Variants in ST6GALNAC3 observed in about 807,000 individuals in gnomAD.
The protein encoded by ST6GALNAC3 is alpha-N-acetylgalactosaminide alpha-2,6-sialyltransferase 3.
ST6GALNAC3 carries 25 observed loss-of-function variants against 32.7 expected under a neutral mutation model. That is an observed-to-expected ratio of 0.76 (90% CI 0.56 to 1.07). The LOEUF (loss-of-function observed/expected upper bound fraction) is 1.07, where lower values mean the gene tolerates loss of function less well. Ranked by LOEUF, ST6GALNAC3 falls within the 50% of genes least tolerant of loss-of-function variation. The pLI is 0.00. For missense variants in ST6GALNAC3, 355 were observed against 382.4 expected, an observed-to-expected ratio of 0.93 and a Z score of 0.60; for synonymous variants, 129 against 133.1, an observed-to-expected ratio of 0.97 and a Z score of 0.21.
intron 1 of ST6GALNAC3, among the ~76,000 whole-genome samples, chr1:76,112,812 G>C (rs538678190): frequency 1.3e-5 from 2 of 151,652 alleles, no homozygotes; most frequent in African/African-American, 4.8e-5. Context: ...TCACTTCCTA[G>C]ATGGGTTGGT....
intron 2 of ST6GALNAC3, among the ~76,000 whole-genome samples, chr1:76,333,195 C>G (rs1647232336): frequency 6.6e-6 from 1 of 152,156 alleles, no homozygotes; most frequent in Non-Finnish European, 1.5e-5. Flanking sequence ...AGATGTGGTT[C>G]TCCTCAATTG....
intron 3 of ST6GALNAC3, among the ~76,000 whole-genome samples, chr1:76,413,718 A>T (rs1654428251): frequency 6.6e-6 from 1 of 152,170 alleles, no homozygotes; most frequent in East Asian, 1.9e-4. Flanking sequence ...AAGAATCCCA[A>T]GGGTGAGATT....
intron 3 of ST6GALNAC3, among the ~76,000 whole-genome samples, chr1:76,445,367 C>CT (rs2101528792): frequency 6.6e-6 from 1 of 152,264 alleles, no homozygotes; most frequent in East Asian, 1.9e-4. Context: ...GGATGCAGAC[C>CT]TACAATCTTT....
At chr1:76,422,021 G>A (rs186050794) in intron 3 of ST6GALNAC3, among the ~76,000 whole-genome samples, 183 of 151,628 alleles carry the variant, frequency 1.2e-3, no homozygotes, top group African/African-American at 4.0e-3. Flanking sequence ...TTCTCTTATA[G>A]CATTACCTTC....
intron 1 of ST6GALNAC3, among the ~76,000 whole-genome samples, chr1:76,113,392 GTCT>G (rs533489945): frequency 1.6e-4 from 24 of 151,704 alleles, no homozygotes; most frequent in Middle Eastern, 6.8e-3. Context: ...TTGTTATGGG[GTCT>G]TATCTGCAAA....
chr1:76,482,170 G>A lies in ST6GALNAC3; in HGVS notation c.623+69753G>A, dbSNP rs534859518. Among the ~76,000 whole-genome samples the A allele has an allele frequency of 8.4e-4, 118 of 141,084 alleles. No individual in the cohort carries two copies. The East Asian group carries it at 0.021, about 25-fold the overall frequency. The allele number at this position is 141,084 out of a possible 152,430, so 92.6% of individuals were successfully genotyped here. On this transcript the variant is annotated intron_variant, in intron 3 of 4. Coordinates refer to ENST00000328299, the MANE Select transcript of ST6GALNAC3 (RefSeq NM_152996.4). ...CACACACACACACACACACACACAT[G>A]CACTTCATCTTAGCAGTAAAAGCCA... is the stretch of plus-strand genomic sequence containing the variant.
At chr1:76,124,261 A>G (rs1182583511) in intron 1 of ST6GALNAC3, among the ~76,000 whole-genome samples, 1 of 135,102 alleles carries the variant, frequency 7.4e-6, no homozygotes, top group African/African-American at 2.5e-5. Context: ...TGCTGATGAA[A>G]TGGAGGTAGA....
At chr1:76,429,324 C>T (rs1655595643) in intron 3 of ST6GALNAC3, among the ~76,000 whole-genome samples, 1 of 152,050 alleles carries the variant, frequency 6.6e-6, no homozygotes, top group South Asian at 2.1e-4. Context: ...TCAGTTTTCT[C>T]ATGTATAAAG....
chr1:76,245,096 GC>G (rs910152062), intron 1 of ST6GALNAC3, among the ~76,000 whole-genome samples: 4 of 152,110 alleles, frequency 2.6e-5, no homozygotes, highest in Admixed American at 2.6e-4. Context: ...ATTAATTACT[GC>G]CTCAATTTCA....
chr1:76,544,777 G>A (rs985573035), intron 3 of ST6GALNAC3, among the ~76,000 whole-genome samples: 3 of 152,176 alleles, frequency 2.0e-5, no homozygotes, highest in Non-Finnish European at 2.9e-5. Flanking sequence ...TCAGCGTATC[G>A]ATGGTATTTA....
intron 3 of ST6GALNAC3, among the ~76,000 whole-genome samples, chr1:76,488,173 C>G (rs1167489675): frequency 2.6e-5 from 4 of 152,170 alleles, no homozygotes; most frequent in Non-Finnish European, 5.9e-5. Flanking sequence ...ATGATAAAGA[C>G]TGATCCTTCA....
intron 1 of ST6GALNAC3, among the ~76,000 whole-genome samples, chr1:76,111,928 T>C (rs1424613186): frequency 6.6e-6 from 1 of 152,198 alleles, no homozygotes; most frequent in Non-Finnish European, 1.5e-5. Flanking sequence ...GTTGTCATCA[T>C]GGCCCCTTCT....
At position 76,121,455 on chromosome 1, in the gene ST6GALNAC3, G is replaced by A. The variant is rs534368177; in HGVS notation, c.18+46571G>A. Among the ~76,000 whole-genome samples, 5 of 152,194 alleles carry A rather than the reference G, an allele frequency of 3.3e-5. No individual in the cohort carries two copies. In the East Asian group the frequency reaches 7.8e-4, roughly 24 times the overall value. ...GGTCAGGCCAGGCATGGTGGCTCAC[G>A]CCTGTAATCCCAGCACTTTGGGAGG... On this transcript the variant is annotated intron_variant, in intron 1 of 4. Coordinates refer to ENST00000328299, the MANE Select transcript of ST6GALNAC3 (RefSeq NM_152996.4).
At chr1:76,227,563 A>G (rs72675931) in intron 1 of ST6GALNAC3, among the ~76,000 whole-genome samples, 12,896 of 152,208 alleles carry the variant, frequency 0.085, 1,434 homozygotes, top group African/African-American at 0.26. Flanking sequence ...GATATTTAGA[A>G]TTTTTATTCT....
At chr1:76,156,795 G>A (rs1014209560) in intron 1 of ST6GALNAC3, among the ~76,000 whole-genome samples, 28 of 152,072 alleles carry the variant, frequency 1.8e-4, no homozygotes, top group Non-Finnish European at 3.8e-4. Flanking sequence ...ACAGTGGCGC[G>A]ATCTTGGCTC....
intron 1 of ST6GALNAC3, among the ~76,000 whole-genome samples, chr1:76,311,793 C>A (rs750127592): frequency 6.6e-6 from 1 of 152,120 alleles, no homozygotes; most frequent in South Asian, 2.1e-4. Flanking sequence ...TGGTTATATA[C>A]CCAGTAACGG....
chr1:76,193,057 T>A (rs1653992929), intron 1 of ST6GALNAC3, among the ~76,000 whole-genome samples: 1 of 152,148 alleles, frequency 6.6e-6, no homozygotes, highest in Admixed American at 6.5e-5. Context: ...AGTTTAGAAG[T>A]GTCATATAAA....
At chr1:76,555,977 T>G (rs1332167701) in intron 3 of ST6GALNAC3, among the ~76,000 whole-genome samples, 1 of 152,018 alleles carries the variant, frequency 6.6e-6, no homozygotes, top group Non-Finnish European at 1.5e-5. Flanking sequence ...CAACCAATTT[T>G]AGAACATTTT....
intron 3 of ST6GALNAC3, among the ~76,000 whole-genome samples, chr1:76,598,519 G>T (rs1349804627): frequency 6.6e-6 from 1 of 152,066 alleles, no homozygotes; most frequent in Admixed American, 6.6e-5. Flanking sequence ...AACTGATTTC[G>T]ATCTCTTGGG....
Sources: allele counts gnomAD v4.1 joint callset (sites outside exome capture counted in the v4.1 genomes callset), GRCh38; gene constraint gnomAD v4.1.1; transcripts MANE v1.5; gene names NCBI Gene and HGNC (gene_info 2026-07-23, HGNC 2026-07-21).